The following SOS2 variants were observed in gnomAD, a reference collection of about 807,000 sequenced individuals.
The protein encoded by SOS2 is SOS Ras/Rho guanine nucleotide exchange factor 2, also known as son of sevenless homolog 2.
A neutral mutation model predicts 148.2 loss-of-function variants in SOS2; 65 were observed. The observed-to-expected ratio is 0.44, with a 90% CI of 0.36 to 0.54. The LOEUF (loss-of-function observed/expected upper bound fraction) is 0.54. Ranked by LOEUF, SOS2 falls within the 20% of genes least tolerant of loss-of-function variation. The pLI, the probability that SOS2 is intolerant of heterozygous loss-of-function variation, is 0.00. For missense variants in SOS2, 1,341 were observed against 1,590.2 expected (o/e 0.84, Z 2.67); for synonymous variants, 539 against 537.1 (o/e 1.00, Z -0.05).
chr14:50,125,537 T>C lies in SOS2; in HGVS notation c.3379+4424A>G, dbSNP rs117037620. On this transcript the variant is annotated intron_variant, in intron 21 of 22. Transcript: ENST00000216373. ...CAAACTTCAATAAAGCCAGGAAATATATGAAGCTGAAGCTTTAATTCATGA... is the reference window on the plus strand; with the variant it reads ...CAAACTTCAATAAAGCCAGGAAATACATGAAGCTGAAGCTTTAATTCATGA... 6.8e-3 allele frequency among the ~76,000 whole-genome samples: 1,038 copies of C among 152,288 alleles called. 8 individuals are homozygous for C. The highest frequency in any genetic ancestry group is 0.034 in the Middle Eastern group (10 of 294).
chr14:50,230,012 G>A (rs1270576254), intron 1 of SOS2, among the ~76,000 whole-genome samples: 1 of 152,174 alleles, frequency 6.6e-6, no homozygotes, highest in Non-Finnish European at 1.5e-5. Context: ...TGGAATAACT[G>A]TCTAGCTGCC....
chr14:50,133,242 C>CTTTTTTTTTTTTTTTTTTTTTTTTTTT (rs753590435), intron 19 of SOS2, among the ~76,000 whole-genome samples: 1 of 78,816 alleles, frequency 1.3e-5, no homozygotes. Flanking sequence ...TTTCTTTTTT[C>CTTTTTTTTTTTTTTTTTTTTTTTTTTT]TTTTTTCTTT....
intron 1 of SOS2, among the ~76,000 whole-genome samples, chr14:50,221,887 T>C (rs1887214531): frequency 6.6e-6 from 1 of 152,080 alleles, no homozygotes; most frequent in African/African-American, 2.4e-5. Context: ...AGCTTTACGG[T>C]TGTAGGGAAA....
At chr14:50,199,939 G>T in intron 3 of SOS2, 84 bp from the exon 4 acceptor site, 1 of 854,126 alleles carries the variant, frequency 1.2e-6, no homozygotes, top group Non-Finnish European at 1.8e-6. Flanking sequence ...TAACATCCTT[G>T]CTTATAAAAA....
At chr14:50,176,422 T>A (rs1034052074) in intron 7 of SOS2, among the ~76,000 whole-genome samples, 2 of 152,228 alleles carry the variant, frequency 1.3e-5, no homozygotes, top group Admixed American at 1.3e-4. Flanking sequence ...GGAACCAATA[T>A]GAAACTTCAA....
At chr14:50,175,636 G>C (rs530604945) in intron 7 of SOS2, among the ~76,000 whole-genome samples, 1 of 151,936 alleles carries the variant, frequency 6.6e-6, no homozygotes, top group African/African-American at 2.4e-5. Context: ...AAAAATCTTA[G>C]TGTATAGCTT....
chr14:50,181,397 G>A (rs1286536402), intron 6 of SOS2, among the ~76,000 whole-genome samples: 3 of 150,852 alleles, frequency 2.0e-5, no homozygotes, highest in Non-Finnish European at 2.9e-5. Flanking sequence ...GCAGTAAGAC[G>A]AGATCGTGCC....
intron 18 of SOS2, 63 bp from the exon 19 acceptor site, chr14:50,134,302 A>G: frequency 1.3e-6 from 1 of 775,224 alleles, no homozygotes; most frequent in Non-Finnish European, 2.1e-6. Flanking sequence ...TCTTATTAAA[A>G]TAAGATCTCA....
chr14:50,203,346 C>T (rs1017967575), intron 2 of SOS2, among the ~76,000 whole-genome samples: 2 of 151,868 alleles, frequency 1.3e-5, no homozygotes, highest in Admixed American at 6.6e-5. Context: ...CCAGCCCGGG[C>T]GACAGAGTGA....
At chr14:50,136,230 A>G (rs1260786691) in intron 18 of SOS2, among the ~76,000 whole-genome samples, 1 of 152,200 alleles carries the variant, frequency 6.6e-6, no homozygotes, top group African/African-American at 2.4e-5. Context: ...CCTTTGCTCT[A>G]TTTTAAATAC....
At chr14:50,165,625 A>AAACATTTGT (rs1409210645) in intron 8 of SOS2, among the ~76,000 whole-genome samples, 5 of 152,214 alleles carry the variant, frequency 3.3e-5, no homozygotes, top group African/African-American at 1.2e-4. Flanking sequence ...TTTCTTCACT[A>AAACATTTGT]AATTGTAAAC....
Position 50,160,020 on chromosome 14 carries a change from A to G in SOS2, c.1263T>C (p.Asn421=), listed in dbSNP as rs369267864. The stretch of plus-strand genomic sequence containing the variant: ...ATCCATCGATATTTTTCTGAATTTC[A>G]TTCATTTTTTTGATAGCCAGGTGTT... ...RSKHLAIKKM[N]EIQKNIDGWE... is the part of the protein sequence containing the mutation. The change falls in exon 10 of 23, where the codon AAT becomes AAC. Residue 421 remains asparagine, a synonymous_variant. Coordinates refer to ENST00000216373, the MANE Select transcript of SOS2 (RefSeq NM_006939.4). 386 of 1,614,068 alleles carry G rather than the reference A, an allele frequency of 2.4e-4. 7 individuals carry two copies. The South Asian group carries it at 4.0e-3, about 17-fold the overall frequency.
At chr14:50,230,653 G>A (rs567843116) in intron 1 of SOS2, among the ~76,000 whole-genome samples, 5 of 152,196 alleles carry the variant, frequency 3.3e-5, no homozygotes, top group Non-Finnish European at 7.3e-5. Context: ...TTTGCAGGAA[G>A]TGGGAAGGCG....
intron 6 of SOS2, among the ~76,000 whole-genome samples, chr14:50,181,516 CAAA>C (rs1228834549): frequency 8.5e-6 from 1 of 118,162 alleles, no homozygotes; most frequent in Non-Finnish European, 1.8e-5. Context: ...TTTACAATAA[CAAA>C]AAAAAAAAGG....
At chr14:50,168,519 G>A (rs1196562300) in intron 8 of SOS2, among the ~76,000 whole-genome samples, 2 of 152,104 alleles carry the variant, frequency 1.3e-5, no homozygotes, top group Admixed American at 6.5e-5. Flanking sequence ...ACTGTGCCTC[G>A]CCTATATACC....
intron 1 of SOS2, among the ~76,000 whole-genome samples, chr14:50,213,469 G>T (rs536962474): frequency 8.5e-5 from 13 of 152,224 alleles, no homozygotes; most frequent in East Asian, 3.9e-4. Flanking sequence ...AGGCCAAGGT[G>T]GGGGTGGATC....
chr14:50,216,200 G>A (rs112701807), intron 1 of SOS2, among the ~76,000 whole-genome samples: 11 of 151,518 alleles, frequency 7.3e-5, no homozygotes, highest in African/African-American at 2.7e-4. Flanking sequence ...AGATTCAAGA[G>A]ATCCACCTGC....
intron 16 of SOS2, among the ~76,000 whole-genome samples, chr14:50,141,388 G>C (rs1884279097): frequency 6.6e-6 from 1 of 151,668 alleles, no homozygotes; most frequent in South Asian, 2.1e-4. Context: ...GAGCAGGGTG[G>C]CACGTGCCTA....
At chr14:50,161,641 G>A (rs200799815) in intron 8 of SOS2, 32 bp from the exon 9 acceptor site, 1 of 1,597,378 alleles carries the variant, frequency 6.3e-7, no homozygotes, top group African/African-American at 1.3e-5. Flanking sequence ...AATCAAAACT[G>A]CATTGTTTGA....
Sources: allele counts gnomAD v4.1 joint callset (sites outside exome capture counted in the v4.1 genomes callset), GRCh38; gene constraint gnomAD v4.1.1; transcripts MANE v1.5; gene names NCBI Gene and HGNC (gene_info 2026-07-23, HGNC 2026-07-21).